MGA: variants seen among roughly 807,000 people sequenced by gnomAD.
The protein encoded by MGA is MAX gene-associated protein.
In MGA, 40 loss-of-function variants were observed where a neutral mutation model predicts 261.1. That is an observed-to-expected ratio of 0.15 (90% confidence interval 0.12 to 0.20). The LOEUF is 0.20. MGA is among the 10% of genes least tolerant of loss of function. MGA has a pLI of 1.00. For missense variants in MGA, 3,397 were observed against 3,630.5 expected, an observed-to-expected ratio of 0.94 and a Z score of 1.65; for synonymous variants, 1,302 against 1,290.6, an observed-to-expected ratio of 1.01 and a Z score of -0.19.
intron 22 of MGA, among the ~76,000 whole-genome samples, chr15:41,762,817 G>A (rs2063558855): frequency 6.6e-6 from 1 of 152,058 alleles, no homozygotes; most frequent in Non-Finnish European, 1.5e-5. Context: ...TGTATAAAAA[G>A]TAGAATATTA....
At position 41,643,804 on chromosome 15, in the gene MGA, C is replaced by T. The variant is rs533442574; in HGVS notation, c.-68+22506C>T. Among the ~76,000 whole-genome samples, 34 of 147,012 alleles carry T rather than the reference C, an allele frequency of 2.3e-4. No homozygotes were observed. In the South Asian group the frequency reaches 7.3e-3, roughly 32 times the overall value. Reference sequence around the variant, plus strand: ...TCCCTGAGATGAAGTCTCACTAAGTCGCCTCCGCCCGCCTCAGCCTCCCAA... The same window carrying T: ...TCCCTGAGATGAAGTCTCACTAAGTTGCCTCCGCCCGCCTCAGCCTCCCAA... On this transcript the variant is annotated intron_variant, in intron 1 of 8. Coordinates refer to the MGA transcript ENST00000566718.
In MGA at chr15:41,761,243, C is replaced by T. The variant is rs545534608; in HGVS notation, c.7399-496C>T. Among the ~76,000 whole-genome samples the T allele has an allele frequency of 3.6e-4, 55 of 152,328 alleles. No individual in the cohort carries two copies. The South Asian group carries it at 0.011, about 30-fold the overall frequency. ...ATATTTTAATATGCTTAACAGTTGA[C>T]AGTCATTTTAAAAGAAAACCTGAAA... On this transcript the variant is annotated intron_variant, in intron 20 of 23. Transcript: ENST00000219905.
intron 8 of MGA, among the ~76,000 whole-genome samples, chr15:41,711,893 G>A (rs2060406449): frequency 6.6e-6 from 1 of 151,818 alleles, no homozygotes; most frequent in African/African-American, 2.4e-5. Context: ...ACACGTTTTC[G>A]CCATGTTAGT....
rs773697719 is a variant in MGA, at chr15:41,748,855, C to T, written c.5431C>T (p.Leu1811Phe). Residue 1811 changes from leucine (L) to phenylalanine (F), a missense_variant, in exon 16 of 24, where the codon CTT becomes TTT. Physicochemically the swap from Leu to Phe is conservative, Grantham distance 22 (BLOSUM62 0). Coordinates refer to ENST00000219905, the MANE Select transcript of MGA (RefSeq NM_001164273.2). ...GCACCCTAATGGGCAGATTGTCCAG[C>T]TTCTACCTTTGCATCAGCTTCGAGG... The T allele has an allele frequency of 1.3e-5, 21 of 1,613,880 alleles. No homozygotes were observed. Among genetic ancestry groups the T allele is most frequent in the Non-Finnish European group, 1.7e-5 (20 of 1,179,900 alleles).
intron 15 of MGA, among the ~76,000 whole-genome samples, chr15:41,744,176 CTATATA>C (rs544012747): frequency 6.6e-6 from 1 of 151,154 alleles, no homozygotes; most frequent in Admixed American, 6.6e-5. Context: ...AAAAGTGAAT[CTATATA>C]TATATATGTG....
In MGA at chr15:41,673,540, C is replaced by CTTT. The variant is rs777334913; in HGVS notation, c.1064+3599_1064+3601dup. ...GCTGTTGTAGTCTTTTTCTTTCTTTCTTTTTTTTTTTTTTTTTTTGAGATG... is the reference window on the plus strand; with the variant it reads ...GCTGTTGTAGTCTTTTTCTTTCTTTCTTTTTTTTTTTTTTTTTTTTTTGAGATG... On this transcript the variant is annotated intron_variant, in intron 2 of 23. Transcript: ENST00000219905. Among the ~76,000 whole-genome samples the CTTT allele has an allele frequency of 1.2e-3, 141 of 118,928 alleles. 1 individual carries two copies. Among genetic ancestry groups the CTTT allele is most frequent in the Non-Finnish European group, 2.0e-3 (117 of 58,710 alleles). The allele number at this position is 118,928 out of a possible 152,430, so 78.0% of individuals were successfully genotyped here. A position where few individuals can be genotyped will look rare whatever the true frequency, so the allele number is the denominator to read the frequency against.
chr15:41,675,968 T>G (rs1214750718), intron 2 of MGA, among the ~76,000 whole-genome samples: 1 of 152,234 alleles, frequency 6.6e-6, no homozygotes, highest in Non-Finnish European at 1.5e-5. Flanking sequence ...ATTCCTGCAT[T>G]ATGGATCTTA....
intron 1 of MGA, among the ~76,000 whole-genome samples, chr15:41,633,354 ATTT>A (rs60602781): frequency 0.19 from 20,838 of 112,410 alleles, 2,238 homozygotes; most frequent in East Asian, 0.73. Flanking sequence ...CTCCTATGGT[ATTT>A]TTTTTTTTTT....
rs776002794 is a variant in MGA at position 41,729,353 on chromosome 15, A to C, written c.3843+4A>C. 2 of 1,601,354 alleles carry C rather than the reference A, an allele frequency of 1.2e-6. No homozygotes were observed. The highest frequency in any genetic ancestry group is 8.5e-7 in the Non-Finnish European group (1 of 1,174,986). On this transcript the variant is annotated splice_donor_region_variant and intron_variant, in intron 11 of 23. Coordinates refer to ENST00000219905, the MANE Select transcript of MGA (RefSeq NM_001164273.2). ...TGAGAACCATAATAATGCAAAGGTG[A>C]GTTTCTTGTTGCATAAGTTCTTTTT...
At chr15:41,721,983 A>G (rs1336695051) in intron 9 of MGA, among the ~76,000 whole-genome samples, 1 of 152,222 alleles carries the variant, frequency 6.6e-6, no homozygotes, top group Non-Finnish European at 1.5e-5. Context: ...GTGAAATAAC[A>G]TACCACAGTG....
chr15:41,723,556 C>T (rs1309986150), intron 9 of MGA, among the ~76,000 whole-genome samples: 1 of 152,122 alleles, frequency 6.6e-6, no homozygotes, highest in Non-Finnish European at 1.5e-5. Context: ...GCTAGGACTA[C>T]AGGTACATGC....
chr15:41,765,993 T>C lies in MGA; in HGVS notation c.7922-11T>C. 1 of 1,596,688 alleles carries C rather than the reference T, an allele frequency of 6.3e-7. No homozygotes were observed. The highest frequency in any genetic ancestry group is 1.4e-5 in the African/African-American group (1 of 73,882). On this transcript the variant is annotated splice_polypyrimidine_tract_variant and intron_variant, in intron 23 of 23. Transcript: ENST00000219905. ...AAATGAATTTTTCTTTTTTTAATTT[T>C]TGTTTTTCAGAAAATGACGACTTAT...
rs535828859 is a variant in MGA at position 41,717,539 on chromosome 15, A to G, written c.3430+4043A>G. Among the ~76,000 whole-genome samples the G allele has an allele frequency of 7.2e-5, 11 of 152,132 alleles. No homozygotes were observed. The East Asian group carries it at 1.5e-3, about 21-fold the overall frequency. On this transcript the variant is annotated intron_variant, in intron 9 of 23. Coordinates refer to ENST00000219905, the MANE Select transcript of MGA (RefSeq NM_001164273.2). Reference sequence around the variant, plus strand: ...TGGAGAACTCAGATGAAATGGAAAAACTCTTTAAAAGACACAAGCTACAAA... The same window carrying G: ...TGGAGAACTCAGATGAAATGGAAAAGCTCTTTAAAAGACACAAGCTACAAA...
chr15:41,654,078 C>CT, intron 1 of MGA, among the ~76,000 whole-genome samples: 1 of 152,138 alleles, frequency 6.6e-6, no homozygotes, highest in Non-Finnish European at 1.5e-5. Flanking sequence ...GGCTAATATC[C>CT]TCTTCTGTAT....
chr15:41,648,164 T>C (rs928412777), intron 1 of MGA, among the ~76,000 whole-genome samples: 2 of 152,236 alleles, frequency 1.3e-5, no homozygotes, highest in Non-Finnish European at 2.9e-5. Flanking sequence ...GACCTGAATA[T>C]GCAGTGATGC....
intron 9 of MGA, among the ~76,000 whole-genome samples, chr15:41,720,483 C>T (rs757793845): frequency 2.0e-5 from 3 of 152,092 alleles, no homozygotes; most frequent in Non-Finnish European, 4.4e-5. Flanking sequence ...TGCAGTGAGC[C>T]GTGATAGTGC....
rs751661768 is a variant in MGA, at chr15:41,748,879, G to T, written c.5455G>T (p.Gly1819Cys). ...GCTTCTACCTTTGCATCAGCTTCGA[G>T]GCTCTAATACCCAGCCCAACTTACA... Residue 1819 changes from glycine to cysteine, a missense_variant, in exon 16 of 24, where the codon GGC (glycine) becomes TGC (cysteine). By Grantham distance (159) the Gly-to-Cys change is radical (BLOSUM62 -3). This residue lies in a region of MGA where 1,410 missense variants were observed against 1,386.4 expected (regional missense o/e 1.02). Transcript: ENST00000219905. 33 of 1,613,820 alleles carry T rather than the reference G, an allele frequency of 2.0e-5. No homozygotes were observed. The highest frequency in any genetic ancestry group is 5.1e-6 in the Non-Finnish European group (6 of 1,179,882).
intron 2 of MGA, among the ~76,000 whole-genome samples, chr15:41,691,863 C>G (rs990821715): frequency 6.6e-6 from 1 of 151,710 alleles, no homozygotes; most frequent in Non-Finnish European, 1.5e-5. Context: ...CTTCATCTTT[C>G]ATTTTCAGCA....
intron 2 of MGA, among the ~76,000 whole-genome samples, chr15:41,686,535 A>C (rs1289654658): frequency 6.6e-6 from 1 of 152,090 alleles, no homozygotes; most frequent in Non-Finnish European, 1.5e-5. Flanking sequence ...CTTAAAAAAA[A>C]AATTTTTTTT....
Sources: gnomAD v4.1 joint callset for allele counts (sites outside exome capture counted in the v4.1 genomes callset) on GRCh38, gnomAD v4.1.1 for gene constraint, gnomAD v4.1.1 regional missense constraint, MANE v1.5 for transcripts, NCBI Gene and HGNC (gene_info 2026-07-23, HGNC 2026-07-21) for gene names.